Variants in PLEKHB2 observed in about 807,000 individuals in gnomAD.
PLEKHB2 encodes the protein pleckstrin homology domain containing B2.
PLEKHB2 carries 31 observed loss-of-function variants against 36.5 expected under a neutral mutation model. The observed-to-expected ratio is 0.85, with a 90% CI of 0.64 to 1.15. The LOEUF (loss-of-function observed/expected upper bound fraction) is 1.15, where lower values mean the gene tolerates loss of function less well. Ranked by LOEUF, PLEKHB2 falls within the 50% of genes most tolerant of loss-of-function variation. The pLI, the probability that PLEKHB2 is intolerant of heterozygous loss-of-function variation, is 0.00. For missense variants in PLEKHB2, 262 were observed against 295.3 expected (o/e 0.89, Z 0.83); for synonymous variants, 119 against 112.0 (o/e 1.06, Z -0.39).
chr2:131,131,213 G>C (rs960669497), intron 5 of PLEKHB2, among the ~76,000 whole-genome samples: 3 of 152,232 alleles, frequency 2.0e-5, no homozygotes, highest in Non-Finnish European at 2.9e-5. Context: ...CAGTGAGCAA[G>C]CTGGGTTTGT....
intron 6 of PLEKHB2, among the ~76,000 whole-genome samples, chr2:131,136,009 T>C (rs1000969793): frequency 2.6e-5 from 4 of 152,308 alleles, no homozygotes; most frequent in Middle Eastern, 3.4e-3. Context: ...CATATGCATA[T>C]ATTTAGTATT....
At position 131,126,660 on chromosome 2, in the gene PLEKHB2, C is replaced by T. The variant is rs772746619; in HGVS notation, c.191-24C>T. The T allele has an allele frequency of 2.8e-6, 4 of 1,406,822 alleles. No individual in the cohort carries two copies. In the South Asian group the frequency reaches 4.6e-5, roughly 16 times the overall value. 87.1% of individuals were successfully genotyped at this position (1,406,822 alleles called of 1,614,324 possible). On this transcript the variant is annotated intron_variant, in intron 3 of 7. Coordinates refer to ENST00000693505, the MANE Select transcript of PLEKHB2 (RefSeq NM_001100623.2). ...TAAGAAGAAATCCTGAAAAAAGTTCCTTTATTCTGCTTATTTTTCATAGAT... is the reference window on the plus strand; with the variant it reads ...TAAGAAGAAATCCTGAAAAAAGTTCTTTTATTCTGCTTATTTTTCATAGAT...
At chr2:131,134,404 C>G (rs926476008) in intron 6 of PLEKHB2, among the ~76,000 whole-genome samples, 6 of 152,160 alleles carry the variant, frequency 3.9e-5, no homozygotes, top group African/African-American at 1.2e-4. Context: ...ACATGACAAA[C>G]CTAGCCCAAG....
chr2:131,117,621 G>A (rs972038628), intron 1 of PLEKHB2, among the ~76,000 whole-genome samples: 1 of 151,396 alleles, frequency 6.6e-6, no homozygotes, highest in Non-Finnish European at 1.5e-5. Context: ...ATTTTTTTTT[G>A]TATGAAATAT....
At chr2:131,129,824 T>C (rs1185761460) in intron 4 of PLEKHB2, among the ~76,000 whole-genome samples, 1 of 152,154 alleles carries the variant, frequency 6.6e-6, no homozygotes, top group African/African-American at 2.4e-5. Context: ...AAAGCTCTTG[T>C]GATACTTAAG....
intron 4 of PLEKHB2, among the ~76,000 whole-genome samples, chr2:131,128,216 T>G (rs548189669): frequency 6.6e-6 from 1 of 152,288 alleles, no homozygotes; most frequent in South Asian, 2.1e-4. Context: ...GTAGGAAGCG[T>G]GTCAAGGAGA....
intron 4 of PLEKHB2, among the ~76,000 whole-genome samples, chr2:131,130,394 A>G (rs1333363994): frequency 6.6e-6 from 1 of 152,154 alleles, no homozygotes; most frequent in East Asian, 1.9e-4. Flanking sequence ...TTTTTTACTC[A>G]TATCGTGGAA....
In PLEKHB2 at chr2:131,149,432, C is replaced by G. The variant is rs1699525095; in HGVS notation, c.*2659C>G. 6.6e-6 allele frequency: 1 copy of G among 152,166 alleles called. No individual in the cohort carries two copies. Among genetic ancestry groups the G allele is most frequent in the Non-Finnish European group, 1.5e-5 (1 of 68,040 alleles). 9.4% of individuals were successfully genotyped at this position (152,166 alleles called of 1,614,324 possible). ...TTATATACATGCTGATCTGATTGTT[C>G]TTTTCATTCCTTGAGTCAACTTCAG... On this transcript the variant is annotated 3_prime_UTR_variant, in exon 8 of 8. Coordinates refer to ENST00000693505, the MANE Select transcript of PLEKHB2 (RefSeq NM_001100623.2).
chr2:131,138,566 G>A (rs796125140), intron 6 of PLEKHB2, among the ~76,000 whole-genome samples: 7 of 152,224 alleles, frequency 4.6e-5, no homozygotes, highest in East Asian at 1.9e-4. Flanking sequence ...GTGGAAGTCC[G>A]GGCTCGCCTT....
At chr2:131,124,160 G>T (rs1490828150) in intron 2 of PLEKHB2, among the ~76,000 whole-genome samples, 1 of 152,006 alleles carries the variant, frequency 6.6e-6, no homozygotes, top group East Asian at 1.9e-4. Context: ...GGTAGTTTCT[G>T]CACAGCTCAG....
At chr2:131,117,579 G>A (rs1254281753) in intron 1 of PLEKHB2, among the ~76,000 whole-genome samples, 1 of 152,154 alleles carries the variant, frequency 6.6e-6, no homozygotes, top group Non-Finnish European at 1.5e-5. Context: ...GTAGTTCTCA[G>A]TACCTTTTCT....
At chr2:131,130,783 C>G (rs1172661665) in intron 5 of PLEKHB2, 23 bp downstream of exon 5, 2 of 1,577,484 alleles carry the variant, frequency 1.3e-6, no homozygotes, top group South Asian at 2.2e-5. Context: ...TGGCAATCAC[C>G]AATAATTTTT....
intron 1 of PLEKHB2, among the ~76,000 whole-genome samples, chr2:131,110,069 C>T (rs891567968): frequency 3.3e-5 from 5 of 151,744 alleles, no homozygotes; most frequent in Non-Finnish European, 7.4e-5. Context: ...GAGCTGAGAT[C>T]GCGCCACTGC....
chr2:131,136,760 G>C (rs1234194037), intron 6 of PLEKHB2, among the ~76,000 whole-genome samples: 1 of 151,568 alleles, frequency 6.6e-6, no homozygotes, highest in East Asian at 1.9e-4. Context: ...AGGCAATACT[G>C]ACCTTATAGA....
Position 131,142,958 on chromosome 2 carries a change from G to A in PLEKHB2, c.532+2683G>A, listed in dbSNP as rs114405053. Among the ~76,000 whole-genome samples, 702 of 152,134 alleles carry A rather than the reference G, an allele frequency of 4.6e-3. 4 individuals carry two copies. The highest frequency in any genetic ancestry group is 0.021 in the South Asian group (101 of 4,818). On this transcript the variant is annotated intron_variant, in intron 7 of 7. Transcript: ENST00000693505. ...TGACTTAATGATTTTTTGACTTTCC[G>A]ATGGTGCGAAAACAATGTACATTTA...
At chr2:131,137,519 T>C (rs941440331) in intron 6 of PLEKHB2, among the ~76,000 whole-genome samples, 1 of 152,232 alleles carries the variant, frequency 6.6e-6, no homozygotes, top group African/African-American at 2.4e-5. Context: ...GTTCCTTTTC[T>C]TATAGGTTGT....
intron 1 of PLEKHB2, among the ~76,000 whole-genome samples, chr2:131,117,703 G>A (rs1269255900): frequency 6.6e-6 from 1 of 152,106 alleles, no homozygotes; most frequent in Non-Finnish European, 1.5e-5. Flanking sequence ...ACGTGAATGC[G>A]TACGTGCTTT....
chr2:131,140,043 C>G (rs1698626764), intron 6 of PLEKHB2, 124 bp from the exon 7 acceptor site: 1 of 609,848 alleles, frequency 1.6e-6, no homozygotes, highest in Non-Finnish European at 2.9e-6. Context: ...CACACTGTTT[C>G]ATGTTTTGTT....
At chr2:131,134,496 AT>A (rs932126315) in intron 6 of PLEKHB2, among the ~76,000 whole-genome samples, 4 of 152,248 alleles carry the variant, frequency 2.6e-5, no homozygotes, top group African/African-American at 7.2e-5. Context: ...TTTTGAATTA[AT>A]TTTTTATAAG....
Sources: allele counts gnomAD v4.1 joint callset (sites outside exome capture counted in the v4.1 genomes callset), GRCh38; gene constraint gnomAD v4.1.1; transcripts MANE v1.5; gene names NCBI Gene and HGNC (gene_info 2026-07-23, HGNC 2026-07-21).